FAM171A1: variants seen among roughly 807,000 people sequenced by gnomAD.
FAM171A1 encodes the protein family with sequence similarity 171 member A1, also known as protein FAM171A1.
A neutral mutation model predicts 74.9 loss-of-function variants in FAM171A1; 23 were observed. The ratio of observed to expected loss-of-function variants is 0.31; its 90% CI spans 0.22 to 0.44. The LOEUF (loss-of-function observed/expected upper bound fraction) is 0.44. Ranked by LOEUF, FAM171A1 falls within the 20% of genes least tolerant of loss-of-function variation. FAM171A1 has a pLI of 1.00. For missense variants in FAM171A1, 1,162 were observed against 1,159.2 expected, an observed-to-expected ratio of 1.00 and a Z score of -0.03; for synonymous variants, 527 against 505.7, an observed-to-expected ratio of 1.04 and a Z score of -0.57.
intron 2 of FAM171A1, among the ~76,000 whole-genome samples, chr10:15,276,649 A>T (rs188536107): frequency 6.6e-6 from 1 of 152,314 alleles, no homozygotes; most frequent in East Asian, 1.9e-4. Flanking sequence ...ATATTCCCCC[A>T]ATCCTGGGAA....
intron 1 of FAM171A1, among the ~76,000 whole-genome samples, chr10:15,319,614 G>A (rs1835463087): frequency 6.6e-6 from 1 of 152,050 alleles, no homozygotes; most frequent in South Asian, 2.1e-4. Flanking sequence ...TGTCTATTTT[G>A]TAGAGACGGG....
At chr10:15,303,142 T>C (rs1385192281) in intron 1 of FAM171A1, among the ~76,000 whole-genome samples, 5 of 152,142 alleles carry the variant, frequency 3.3e-5, no homozygotes, top group South Asian at 2.1e-4. Flanking sequence ...TGAGCCAAGA[T>C]CGTGCCACTG....
At chr10:15,359,985 A>G (rs1416678645) in intron 1 of FAM171A1, among the ~76,000 whole-genome samples, 1 of 152,088 alleles carries the variant, frequency 6.6e-6, no homozygotes, top group Non-Finnish European at 1.5e-5. Context: ...CTCCGGTTGG[A>G]GTGCGGTTAT....
At chr10:15,245,103 T>C (rs112891456) in intron 5 of FAM171A1, among the ~76,000 whole-genome samples, 43 of 152,236 alleles carry the variant, frequency 2.8e-4, no homozygotes, top group African/African-American at 9.2e-4. Context: ...TCTCACTCTG[T>C]CATCCAAGCT....
At chr10:15,291,372 T>A (rs1371069233) in intron 1 of FAM171A1, among the ~76,000 whole-genome samples, 1 of 152,174 alleles carries the variant, frequency 6.6e-6, no homozygotes. Context: ...TATACACTTG[T>A]TTAAATTAAT....
Position 15,330,126 on chromosome 10 carries a change from G to T in FAM171A1, c.97+40830C>A, listed in dbSNP as rs190090223. 1.4e-4 allele frequency among the ~76,000 whole-genome samples: 21 copies of T among 152,252 alleles called. No homozygotes were observed. In the East Asian group the frequency reaches 4.1e-3, roughly 29 times the overall value. ...GGAGACTGAGGCAGGTGGATCACTT[G>T]AAGTCAGGAGTTCGAGATCAGCCTG... On this transcript the variant is annotated intron_variant, in intron 1 of 7. Transcript: ENST00000378116.
At chr10:15,305,664 T>TAA (rs59843893) in intron 1 of FAM171A1, among the ~76,000 whole-genome samples, 735 of 52,904 alleles carry the variant, frequency 0.014, 88 homozygotes, top group African/African-American at 0.042. Context: ...GAGATCTGGC[T>TAA]AAAAAAAAAA....
intron 1 of FAM171A1, among the ~76,000 whole-genome samples, chr10:15,342,909 T>G (rs1835780971): frequency 6.6e-6 from 1 of 152,238 alleles, no homozygotes. Flanking sequence ...CTTGGAGTCA[T>G]GGCCCAGGGT....
intron 5 of FAM171A1, among the ~76,000 whole-genome samples, chr10:15,225,728 T>C (rs545437871): frequency 1.5e-3 from 222 of 152,216 alleles, no homozygotes; most frequent in Non-Finnish European, 2.7e-3. Flanking sequence ...CCTTTCATCA[T>C]GCGGTGAGAG....
intron 1 of FAM171A1, among the ~76,000 whole-genome samples, chr10:15,328,246 G>C (rs929302056): frequency 6.6e-6 from 1 of 152,172 alleles, no homozygotes; most frequent in Non-Finnish European, 1.5e-5. Context: ...CTGGGTTCAA[G>C]AGATTCTCCT....
At chr10:15,360,493 G>A (rs1431471424) in intron 1 of FAM171A1, among the ~76,000 whole-genome samples, 1 of 152,284 alleles carries the variant, frequency 6.6e-6, no homozygotes, top group East Asian at 1.9e-4. Flanking sequence ...AGACTTTGAG[G>A]CTACCCCTTT....
intron 1 of FAM171A1, among the ~76,000 whole-genome samples, chr10:15,334,950 T>C (rs1440299409): frequency 6.6e-6 from 1 of 152,172 alleles, no homozygotes; most frequent in African/African-American, 2.4e-5. Flanking sequence ...CGATTCAAGA[T>C]ACACATAAAG....
chr10:15,212,881 T>C lies in FAM171A1; in HGVS notation c.*34A>G. 1 of 1,604,700 alleles carries C rather than the reference T, an allele frequency of 6.2e-7. No individual in the cohort carries two copies. Among genetic ancestry groups the C allele is most frequent in the Non-Finnish European group, 8.5e-7 (1 of 1,177,552 alleles). ...TCCATGAGAAAGGATATTTGGCAATTTTATATTCCACAGTCAGGTGGGTCT... is the reference window on the plus strand; with the variant it reads ...TCCATGAGAAAGGATATTTGGCAATCTTATATTCCACAGTCAGGTGGGTCT... On this transcript the variant is annotated 3_prime_UTR_variant, in exon 8 of 8. Coordinates refer to ENST00000378116, the MANE Select transcript of FAM171A1 (RefSeq NM_001010924.2).
chr10:15,316,907 C>T (rs890800966), intron 1 of FAM171A1, among the ~76,000 whole-genome samples: 5 of 152,244 alleles, frequency 3.3e-5, no homozygotes, highest in African/African-American at 9.6e-5. Context: ...TTCTCCAGCA[C>T]AATGTAAAAG....
chr10:15,239,583 G>A (rs181203448), intron 5 of FAM171A1, among the ~76,000 whole-genome samples: 329 of 152,262 alleles, frequency 2.2e-3, no homozygotes, highest in African/African-American at 7.6e-3. Flanking sequence ...GATTACAGGT[G>A]TAAGCCACTG....
chr10:15,275,869 A>C lies in FAM171A1; in HGVS notation c.404T>G (p.Val135Gly), dbSNP rs1834886496. The C allele has an allele frequency of 6.2e-7, 1 of 1,607,980 alleles. No homozygotes were observed. Among genetic ancestry groups the C allele is most frequent in the South Asian group, 1.1e-5 (1 of 89,696 alleles). Reference protein sequence around the residue: ...LMVYEDVVQIVSGFQGARPQP... With the variant: ...LMVYEDVVQIGSGFQGARPQP... ...ATTAAATATACCTTGGAATCCTGAT[A>C]CTATTTGGACGACATCTTCATATAC... Residue 135 changes from valine (V) to glycine (G), a missense_variant, in exon 3 of 8, where the codon GTA becomes GGA. Coordinates refer to ENST00000378116, the MANE Select transcript of FAM171A1 (RefSeq NM_001010924.2).
In FAM171A1 at chr10:15,332,706, T is replaced by C. The variant is rs1435773565; in HGVS notation, c.97+38250A>G. The stretch of plus-strand genomic sequence containing the variant: ...ACTGACTACAGTGGGCCTCAGGCAA[T>C]GCAACTGTTCTGTTCCATTACCTAC... On this transcript the variant is annotated intron_variant, in intron 1 of 7. Transcript: ENST00000378116. Among the ~76,000 whole-genome samples, 4 of 152,218 alleles carry C rather than the reference T, an allele frequency of 2.6e-5. 1 individual carries two copies. In the East Asian group the frequency reaches 7.7e-4, roughly 29 times the overall value.
rs369032741 is a variant in FAM171A1 at position 15,342,050 on chromosome 10, T to C, written c.97+28906A>G. 1.2e-4 allele frequency among the ~76,000 whole-genome samples: 18 copies of C among 152,328 alleles called. No individual in the cohort carries two copies. In the South Asian group the frequency reaches 3.7e-3, roughly 32 times the overall value. ...CAGCAGGACCCAGGAATCCACATCT[T>C]TAACTAGCAACCCAGGACCTGGATG... On this transcript the variant is annotated intron_variant, in intron 1 of 7. Transcript: ENST00000378116.
chr10:15,213,542 G>A lies in FAM171A1; in HGVS notation c.2046C>T (p.Asn682=). The A allele has an allele frequency of 6.8e-6, 11 of 1,614,156 alleles. No individual in the cohort carries two copies. The highest frequency in any genetic ancestry group is 9.3e-6 in the Non-Finnish European group (11 of 1,180,042). Residue 682 remains asparagine (N), a synonymous_variant, in exon 8 of 8, where the codon AAC becomes AAT. Transcript: ENST00000378116. The surrounding 1 kb of genome is among the most constrained non-coding windows in gnomAD (Gnocchi z 6.8). Reference sequence around the variant, plus strand: ...TTTCAGTCAGGAGCTGCACCTCACTGTTCATCTGAGCCAAAGCCGCGTCGT... The same window carrying A: ...TTTCAGTCAGGAGCTGCACCTCACTATTCATCTGAGCCAAAGCCGCGTCGT... ...SLNDAALAQM[N]SEVQLLTEKA...
Sources: gnomAD v4.1 joint callset for allele counts (sites outside exome capture counted in the v4.1 genomes callset) on GRCh38, gnomAD v4.1.1 for gene constraint, Gnocchi (gnomAD v3.1) non-coding constraint, MANE v1.5 for transcripts, NCBI Gene and HGNC (gene_info 2026-07-23, HGNC 2026-07-21) for gene names.